CD2AP: variants seen among roughly 807,000 people sequenced by gnomAD.
The protein encoded by CD2AP is CD2-associated protein.
In CD2AP, 46 loss-of-function variants were observed where a neutral mutation model predicts 85.1. The ratio of observed to expected loss-of-function variants is 0.54; its 90% confidence interval spans 0.43 to 0.69. CD2AP has a LOEUF of 0.69. Ranked by LOEUF, CD2AP falls within the 30% of genes least tolerant of loss-of-function variation. CD2AP has a pLI of 0.00. For missense variants in CD2AP, 769 were observed against 729.5 expected (o/e 1.05, Z -0.62); for synonymous variants, 255 against 252.9 (o/e 1.01, Z -0.08).
intron 2 of CD2AP, among the ~76,000 whole-genome samples, chr6:47,507,589 G>T (rs1245257287): frequency 6.6e-6 from 1 of 151,986 alleles, no homozygotes; most frequent in Non-Finnish European, 1.5e-5. Context: ...TGGATTACAG[G>T]CTCCCACCAC....
intron 5 of CD2AP, among the ~76,000 whole-genome samples, chr6:47,557,841 G>GT (rs960391258): frequency 1.3e-5 from 2 of 152,152 alleles, no homozygotes; most frequent in Non-Finnish European, 2.9e-5. Context: ...ACATAAAGTA[G>GT]TTTTTTTCTA....
chr6:47,503,248 T>C, intron 1 of CD2AP, 32 bp from the exon 2 acceptor site: 2 of 1,598,462 alleles, frequency 1.3e-6, no homozygotes, highest in Non-Finnish European at 1.7e-6. Context: ...TGAATTAGAT[T>C]TTAGACATTT....
intron 1 of CD2AP, among the ~76,000 whole-genome samples, chr6:47,485,923 A>T (rs1765555492): frequency 6.6e-6 from 1 of 152,180 alleles, no homozygotes; most frequent in South Asian, 2.1e-4. Flanking sequence ...TGTACCATCT[A>T]GGTTTAAGTA....
At chr6:47,485,888 C>T (rs1191517238) in intron 1 of CD2AP, among the ~76,000 whole-genome samples, 1 of 152,064 alleles carries the variant, frequency 6.6e-6, no homozygotes, top group Non-Finnish European at 1.5e-5. Context: ...TAGGCTATAC[C>T]CTATAGCTTA....
intron 13 of CD2AP, among the ~76,000 whole-genome samples, chr6:47,601,618 T>TAGA (rs1285358267): frequency 6.6e-6 from 1 of 152,018 alleles, no homozygotes; most frequent in Non-Finnish European, 1.5e-5. Context: ...AGATTCCTGC[T>TAGA]ACCTTTTTAA....
At chr6:47,541,485 T>C (rs1338140785) in intron 3 of CD2AP, among the ~76,000 whole-genome samples, 2 of 152,190 alleles carry the variant, frequency 1.3e-5, no homozygotes, top group Non-Finnish European at 2.9e-5. Context: ...ATACAAATTA[T>C]TAATTGCTTT....
chr6:47,579,184 G>A (rs1768395506), intron 8 of CD2AP, among the ~76,000 whole-genome samples: 2 of 152,002 alleles, frequency 1.3e-5, no homozygotes, highest in Non-Finnish European at 2.9e-5. Flanking sequence ...AGGATCATTT[G>A]AGCCCAGAAG....
intron 1 of CD2AP, among the ~76,000 whole-genome samples, chr6:47,494,177 C>A (rs6931478): frequency 0.27 from 40,858 of 151,908 alleles, 5,684 homozygotes; most frequent in African/African-American, 0.33. Flanking sequence ...GTAGTTAAAT[C>A]GTTAGTGTGA....
At chr6:47,573,486 T>G (rs912074616) in intron 5 of CD2AP, among the ~76,000 whole-genome samples, 26 of 133,266 alleles carry the variant, frequency 2.0e-4, no homozygotes, top group South Asian at 1.5e-3. Flanking sequence ...TGCTGTGTGT[T>G]TTTTTTTTTT....
intron 17 of CD2AP, among the ~76,000 whole-genome samples, chr6:47,620,762 C>T (rs1307657141): frequency 1.3e-5 from 2 of 152,108 alleles, no homozygotes; most frequent in African/African-American, 4.8e-5. Context: ...TCTTCTGACT[C>T]CTTGGTTAGG....
At chr6:47,611,450 C>T (rs915814787) in intron 16 of CD2AP, among the ~76,000 whole-genome samples, 3 of 151,356 alleles carry the variant, frequency 2.0e-5, no homozygotes, top group Admixed American at 2.0e-4. Context: ...TATTTTATTT[C>T]TTTACTTGGA....
intron 1 of CD2AP, among the ~76,000 whole-genome samples, chr6:47,479,429 G>A (rs1334737089): frequency 6.6e-6 from 1 of 152,134 alleles, no homozygotes; most frequent in East Asian, 1.9e-4. Context: ...GCTATCCTCT[G>A]TTTTCTTAGA....
In CD2AP at chr6:47,479,703, A is replaced by AT. The variant is rs566660893; in HGVS notation, c.4+1456dup. 3.9e-4 allele frequency among the ~76,000 whole-genome samples: 60 copies of AT among 152,324 alleles called. 2 individuals are homozygous for AT. The East Asian group carries it at 0.012, about 29-fold the overall frequency. ...ACAGTTCTTTTCTGTCTTAAATGGGATGCAGAATAAAATTAAACTACTTTG... is the reference window on the plus strand; with the variant it reads ...ACAGTTCTTTTCTGTCTTAAATGGGATTGCAGAATAAAATTAAACTACTTTG... On this transcript the variant is annotated intron_variant, in intron 1 of 17. Coordinates refer to ENST00000359314, the MANE Select transcript of CD2AP (RefSeq NM_012120.3).
intron 9 of CD2AP, among the ~76,000 whole-genome samples, chr6:47,580,211 T>C (rs1006980641): frequency 2.0e-5 from 3 of 152,220 alleles, no homozygotes; most frequent in African/African-American, 7.2e-5. Flanking sequence ...TACTAAAGAA[T>C]ACGTTTTTCT....
chr6:47,548,201 A>G (rs937115574), intron 4 of CD2AP, among the ~76,000 whole-genome samples: 5 of 152,216 alleles, frequency 3.3e-5, no homozygotes, highest in East Asian at 1.9e-4. Context: ...AATAACCAAG[A>G]TCAGAGCAGA....
At chr6:47,519,098 CTCT>C (rs1440368215) in intron 2 of CD2AP, among the ~76,000 whole-genome samples, 1 of 152,206 alleles carries the variant, frequency 6.6e-6, no homozygotes, top group Non-Finnish European at 1.5e-5. Flanking sequence ...GATAACTTCA[CTCT>C]TTTTTAATGA....
chr6:47,585,219 C>T lies in CD2AP; in HGVS notation c.1108+3154C>T, dbSNP rs567149813. Among the ~76,000 whole-genome samples the T allele has an allele frequency of 2.3e-3, 347 of 150,630 alleles. 3 individuals are homozygous for T. The highest frequency in any genetic ancestry group is 0.011 in the South Asian group (52 of 4,776). On this transcript the variant is annotated intron_variant, in intron 11 of 17. Coordinates refer to ENST00000359314, the MANE Select transcript of CD2AP (RefSeq NM_012120.3). ...TCAGGAGGCTGAGGCAGGAGAATGG[C>T]GTGAACTCGGGAGGCGGAGCTTGCA...
At chr6:47,582,384 A>G (rs758475681) in intron 11 of CD2AP, 40 of 213,564 alleles carry the variant, frequency 1.9e-4, no homozygotes, top group East Asian at 5.5e-4. Context: ...ATTCCTTAGA[A>G]TGTTGAAGAC....
chr6:47,509,495 C>T (rs557167876), intron 2 of CD2AP, among the ~76,000 whole-genome samples: 7 of 150,988 alleles, frequency 4.6e-5, no homozygotes, highest in South Asian at 2.1e-4. Flanking sequence ...TGCAGTAAAA[C>T]GAGGTAGGCC....
Sources: gnomAD v4.1 joint callset for allele counts (sites outside exome capture counted in the v4.1 genomes callset) on GRCh38, gnomAD v4.1.1 for gene constraint, MANE v1.5 for transcripts, NCBI Gene and HGNC (gene_info 2026-07-23, HGNC 2026-07-21) for gene names.